COL24A1: variants seen among roughly 807,000 people sequenced by gnomAD.
COL24A1 encodes collagen alpha-1(XXIV) chain.
A neutral mutation model predicts 253.9 loss-of-function variants in COL24A1; 224 were observed. That is an observed-to-expected ratio of 0.88 (90% CI 0.79 to 0.99). COL24A1 has a LOEUF of 0.99. Among genes scored for constraint, COL24A1 ranks in the 50% least tolerant of loss-of-function variants. COL24A1 has a pLI of 0.00. For synonymous variants in COL24A1, 685 were observed against 673.7 expected (o/e 1.02, Z -0.26); for missense variants, 2,131 against 2,068.5 (o/e 1.03, Z -0.59).
intron 2 of COL24A1, among the ~76,000 whole-genome samples, chr1:86,140,211 C>T (rs1650868542): frequency 6.6e-6 from 1 of 152,096 alleles, no homozygotes; most frequent in Admixed American, 6.5e-5. Flanking sequence ...AAAAATGAGG[C>T]TCAGAGAGTA....
intron 3 of COL24A1, among the ~76,000 whole-genome samples, chr1:86,119,567 G>T (rs1477204897): frequency 6.6e-6 from 1 of 152,066 alleles, no homozygotes; most frequent in African/African-American, 2.4e-5. Flanking sequence ...TGATACAAAG[G>T]GTTTCGCAAC....
intron 3 of COL24A1, among the ~76,000 whole-genome samples, chr1:86,121,083 T>C (rs1647266201): frequency 1.3e-5 from 2 of 151,954 alleles, no homozygotes; most frequent in South Asian, 4.2e-4. Flanking sequence ...TAGGTGGAAA[T>C]TGAAGAATGA....
At chr1:85,817,439 AT>A (rs747007610) in intron 46 of COL24A1, among the ~76,000 whole-genome samples, 17 of 151,342 alleles carry the variant, frequency 1.1e-4, no homozygotes, top group Non-Finnish European at 2.1e-4. Context: ...ATTTACATTC[AT>A]TTTCTCTATT....
chr1:85,823,645 A>G (rs1842580), intron 44 of COL24A1, 40 bp downstream of exon 44: 67,270 of 1,612,964 alleles, frequency 0.042, 1,673 homozygotes, highest in Non-Finnish European at 0.05. Flanking sequence ...AATAAGTTAT[A>G]TTAATGTTAA....
At chr1:85,914,542 C>G (rs1258966018) in intron 24 of COL24A1, among the ~76,000 whole-genome samples, 1 of 151,982 alleles carries the variant, frequency 6.6e-6, no homozygotes, top group East Asian at 1.9e-4. Flanking sequence ...AGGCGTGCAC[C>G]ACCATGCCTG....
intron 3 of COL24A1, among the ~76,000 whole-genome samples, chr1:86,123,798 C>T (rs188163292): frequency 7.0e-4 from 107 of 151,932 alleles, no homozygotes; most frequent in Non-Finnish European, 1.3e-3. Context: ...AATGTCTAAA[C>T]ATTTACTCTA....
At chr1:86,097,438 TCTC>T (rs1246552397) in intron 5 of COL24A1, among the ~76,000 whole-genome samples, 74 of 140,720 alleles carry the variant, frequency 5.3e-4, no homozygotes, top group African/African-American at 1.8e-3. Context: ...TCCTTCTTCT[TCTC>T]CTCCTCCCCC....
chr1:85,745,819 T>C (rs1665151210), intron 55 of COL24A1, among the ~76,000 whole-genome samples: 1 of 152,136 alleles, frequency 6.6e-6, no homozygotes, highest in Non-Finnish European at 1.5e-5. Flanking sequence ...TGGAAGAGAA[T>C]AAAATATGAT....
chr1:86,085,979 T>G (rs1703033774), intron 7 of COL24A1, among the ~76,000 whole-genome samples: 1 of 152,198 alleles, frequency 6.6e-6, no homozygotes, highest in Non-Finnish European at 1.5e-5. Context: ...TTCAAGACTT[T>G]TTTTTTACAT....
chr1:86,099,951 T>C (rs1704304756), intron 5 of COL24A1, among the ~76,000 whole-genome samples: 1 of 152,134 alleles, frequency 6.6e-6, no homozygotes, highest in Admixed American at 6.6e-5. Context: ...ATTTTATTAT[T>C]ATTATACTTT....
At chr1:86,123,282 T>C (rs1159454580) in intron 3 of COL24A1, among the ~76,000 whole-genome samples, 1 of 151,940 alleles carries the variant, frequency 6.6e-6, no homozygotes, top group Non-Finnish European at 1.5e-5. Context: ...GTCCACAAGA[T>C]CTTATTCTGA....
chr1:86,024,943 T>C (rs2101399152), intron 14 of COL24A1, among the ~76,000 whole-genome samples: 1 of 152,248 alleles, frequency 6.6e-6, no homozygotes, highest in East Asian at 1.9e-4. Flanking sequence ...GTACTTTGTA[T>C]ATATAATATC....
intron 24 of COL24A1, among the ~76,000 whole-genome samples, chr1:85,946,841 T>C (rs1689368322): frequency 6.6e-6 from 1 of 152,198 alleles, no homozygotes; most frequent in African/African-American, 2.4e-5. Context: ...ATATTCAAAC[T>C]GAAACAGAAC....
intron 31 of COL24A1, among the ~76,000 whole-genome samples, chr1:85,893,144 A>G (rs1249460665): frequency 5.3e-5 from 8 of 152,138 alleles, no homozygotes; most frequent in Non-Finnish European, 1.2e-4. Flanking sequence ...GGTTGAAAGT[A>G]AATTAAGGAA....
chr1:85,961,399 G>C lies in COL24A1; in HGVS notation c.2518-106C>G, dbSNP rs1032022853. 35 of 874,570 alleles carry C rather than the reference G, an allele frequency of 4.0e-5. No individual in the cohort carries two copies. In the South Asian group the frequency reaches 5.4e-4, roughly 13 times the overall value. 54.2% of individuals were successfully genotyped at this position (874,570 alleles called of 1,614,324 possible). ...AATGTAATTATCTAGTCATAACCTA[G>C]AAAAAGGCAAAGGAAATTTCAGTTA... On this transcript the variant is annotated intron_variant, in intron 23 of 59. Coordinates refer to ENST00000370571, the MANE Select transcript of COL24A1 (RefSeq NM_152890.7).
At chr1:85,737,590 T>G (rs2100844224) in intron 57 of COL24A1, 85 bp from the exon 58 acceptor site, 9 of 891,150 alleles carry the variant, frequency 1.0e-5, no homozygotes, top group Non-Finnish European at 1.3e-5. Flanking sequence ...AGAGAGAGAG[T>G]CTCATTCTGT....
intron 5 of COL24A1, among the ~76,000 whole-genome samples, chr1:86,097,973 T>C (rs1704137219): frequency 6.6e-6 from 1 of 152,118 alleles, no homozygotes; most frequent in Admixed American, 6.6e-5. Context: ...CAGAGTAGCA[T>C]GTATGGGATG....
chr1:85,961,131 G>A (rs1001909126), intron 24 of COL24A1, 118 bp downstream of exon 24: 10 of 747,468 alleles, frequency 1.3e-5, no homozygotes, highest in Admixed American at 2.7e-5. Context: ...TAAATTTGTA[G>A]TGGATAAGAA....
At position 85,892,932 on chromosome 1, in the gene COL24A1, T is replaced by C. The variant is rs555530899; in HGVS notation, c.2922+2926A>G. ...AATTATTCAATGCCAACAGAAGACATTGAACAATAACAATAAAAAGGACAC... is the reference window on the plus strand; with the variant it reads ...AATTATTCAATGCCAACAGAAGACACTGAACAATAACAATAAAAAGGACAC... On this transcript the variant is annotated intron_variant, in intron 31 of 59. Coordinates refer to ENST00000370571, the MANE Select transcript of COL24A1 (RefSeq NM_152890.7). Among the ~76,000 whole-genome samples the C allele has an allele frequency of 3.7e-4, 56 of 152,044 alleles. No homozygotes were observed. In the South Asian group the frequency reaches 3.7e-3, roughly 10 times the overall value.
Sources: allele counts gnomAD v4.1 joint callset (sites outside exome capture counted in the v4.1 genomes callset), GRCh38; gene constraint gnomAD v4.1.1; transcripts MANE v1.5; gene names NCBI Gene and HGNC (gene_info 2026-07-23, HGNC 2026-07-21).